Variants in ADAM12 observed in about 807,000 individuals in gnomAD.
ADAM12 encodes the protein disintegrin and metalloproteinase domain-containing protein 12.
A neutral mutation model predicts 106.4 loss-of-function variants in ADAM12; 70 were observed. The ratio of observed to expected loss-of-function variants is 0.66; its 90% CI spans 0.54 to 0.80. The LOEUF (loss-of-function observed/expected upper bound fraction) is 0.80. ADAM12 is among the 30% of genes least tolerant of loss of function. The pLI, the probability that ADAM12 is intolerant of heterozygous loss-of-function variation, is 0.00. For synonymous variants in ADAM12, 420 were observed against 433.5 expected (o/e 0.97, Z 0.39); for missense variants, 1,010 against 1,171.9 (o/e 0.86, Z 2.02).
intron 3 of ADAM12, among the ~76,000 whole-genome samples, chr10:126,227,828 A>C (rs750584151): frequency 2.0e-5 from 3 of 152,180 alleles, no homozygotes; most frequent in African/African-American, 7.2e-5. Context: ...AAAAAATGGC[A>C]ATATTTTTGT....
At chr10:126,197,362 C>T (rs754220505) in intron 3 of ADAM12, among the ~76,000 whole-genome samples, 13 of 152,152 alleles carry the variant, frequency 8.5e-5, no homozygotes, top group Admixed American at 1.3e-4. Flanking sequence ...AGAACAAGCT[C>T]GGGATACATG....
At chr10:126,090,518 G>A (rs1955443381) in intron 11 of ADAM12, among the ~76,000 whole-genome samples, 1 of 152,110 alleles carries the variant, frequency 6.6e-6, no homozygotes, top group Admixed American at 6.6e-5. Flanking sequence ...CTCATTAATG[G>A]ATAAACTCAA....
At chr10:126,342,259 G>A (rs1405254629) in intron 1 of ADAM12, among the ~76,000 whole-genome samples, 1 of 152,194 alleles carries the variant, frequency 6.6e-6, no homozygotes, top group Non-Finnish European at 1.5e-5. Flanking sequence ...GCTATCTAGA[G>A]GTAGGTGCTG....
intron 5 of ADAM12, among the ~76,000 whole-genome samples, chr10:126,121,181 CACTATATACTATATAT>C (rs1956097708): frequency 3.6e-5 from 1 of 27,644 alleles, no homozygotes; most frequent in Non-Finnish European, 6.5e-5. Context: ...ATACTATATA[CACTATATACTATATAT>C]ATACTATATA....
chr10:126,213,398 T>C (rs1192500342), intron 3 of ADAM12, among the ~76,000 whole-genome samples: 1 of 152,236 alleles, frequency 6.6e-6, no homozygotes, highest in Non-Finnish European at 1.5e-5. Flanking sequence ...CCAGATTATA[T>C]GCCAGAAGGA....
intron 14 of ADAM12, among the ~76,000 whole-genome samples, chr10:126,063,325 G>C (rs1479711244): frequency 6.6e-6 from 1 of 152,190 alleles, no homozygotes; most frequent in African/African-American, 2.4e-5. Flanking sequence ...GACATCGCTG[G>C]CTGGCAGGGG....
intron 4 of ADAM12, among the ~76,000 whole-genome samples, chr10:126,138,222 C>A (rs377655713): frequency 3.9e-5 from 6 of 152,162 alleles, no homozygotes; most frequent in African/African-American, 1.2e-4. Flanking sequence ...CTACTCAAAT[C>A]CTTGCTTATT....
chr10:126,180,880 A>T (rs1957300460), intron 3 of ADAM12, among the ~76,000 whole-genome samples: 1 of 152,206 alleles, frequency 6.6e-6, no homozygotes, highest in Non-Finnish European at 1.5e-5. Flanking sequence ...CACTTTCATT[A>T]TTTAACAATC....
rs111657886 is a variant in ADAM12 at position 126,101,036 on chromosome 10, C to CT, written c.911+35dup. The CT allele has an allele frequency of 8.1e-3, 9,913 of 1,229,610 alleles. 38 individuals are homozygous for CT. Among genetic ancestry groups the CT allele is most frequent in the African/African-American group, 0.042 (2,755 of 64,990 alleles). The allele number at this position is 1,229,610 out of a possible 1,614,324, so 76.2% of individuals were successfully genotyped here. On this transcript the variant is annotated intron_variant, in intron 9 of 22. Transcript: ENST00000448723. ...ACGAAGGGCTTCGCCGAGAGCACTC[C>CT]TTTTTTTTTTAAGCAGACAAGACGT... is the stretch of plus-strand genomic sequence containing the variant.
intron 2 of ADAM12, among the ~76,000 whole-genome samples, chr10:126,311,094 TACACAC>T (rs67514376): frequency 0.072 from 9,955 of 138,514 alleles, 609 homozygotes; most frequent in African/African-American, 0.17. Flanking sequence ...TACACACAAA[TACACAC>T]ACACACACAC....
At chr10:126,019,550 A>C (rs1009084429) in intron 22 of ADAM12, 145 bp downstream of exon 22, 5 of 1,079,598 alleles carry the variant, frequency 4.6e-6, no homozygotes, top group Non-Finnish European at 6.4e-6. Flanking sequence ...GGTAATTGTC[A>C]TGTCTATTTT....
At chr10:126,212,396 A>G (rs927205745) in intron 3 of ADAM12, among the ~76,000 whole-genome samples, 1 of 152,228 alleles carries the variant, frequency 6.6e-6, no homozygotes. Flanking sequence ...ACCAAGGAAT[A>G]AAAGGTATAT....
chr10:126,223,804 G>C (rs1377474360), intron 3 of ADAM12, among the ~76,000 whole-genome samples: 1 of 152,228 alleles, frequency 6.6e-6, no homozygotes, highest in Admixed American at 6.5e-5. Flanking sequence ...GCCAGAGGGA[G>C]GGGAAAGCTG....
chr10:126,134,133 A>G (rs1956360664), intron 5 of ADAM12, among the ~76,000 whole-genome samples: 1 of 152,258 alleles, frequency 6.6e-6, no homozygotes, highest in African/African-American at 2.4e-5. Flanking sequence ...AGCAAATTCA[A>G]ACCACAAGGC....
intron 1 of ADAM12, among the ~76,000 whole-genome samples, chr10:126,350,334 G>A (rs1374295105): frequency 6.6e-6 from 1 of 152,202 alleles, no homozygotes; most frequent in Non-Finnish European, 1.5e-5. Context: ...GCATAAATCA[G>A]AGCCACATGG....
chr10:126,042,061 A>G, intron 18 of ADAM12: 1 of 1,567,232 alleles, frequency 6.4e-7, no homozygotes, highest in Non-Finnish European at 8.6e-7. Flanking sequence ...GCTGCCAGTC[A>G]CAGGAGGCCT....
chr10:126,367,796 C>T lies in ADAM12; in HGVS notation c.88+20262G>A, dbSNP rs548815709. Among the ~76,000 whole-genome samples, 24 of 151,932 alleles carry T rather than the reference C, an allele frequency of 1.6e-4. No homozygotes were observed. In the South Asian group the frequency reaches 4.1e-3, roughly 26 times the overall value. ...TGTTTGTTAACTCAGATGACATGGACGTATTTTTTGAATCTCCAGGCCCAG... is the reference window on the plus strand; with the variant it reads ...TGTTTGTTAACTCAGATGACATGGATGTATTTTTTGAATCTCCAGGCCCAG... On this transcript the variant is annotated intron_variant, in intron 1 of 22. Transcript: ENST00000448723.
intron 3 of ADAM12, among the ~76,000 whole-genome samples, chr10:126,232,496 T>C (rs779386551): frequency 2.0e-5 from 3 of 152,098 alleles, no homozygotes; most frequent in Non-Finnish European, 2.9e-5. Context: ...GCCATGAAGT[T>C]TGTAGTGATT....
At chr10:126,223,114 T>C (rs556946845) in intron 3 of ADAM12, among the ~76,000 whole-genome samples, 80 of 152,332 alleles carry the variant, frequency 5.3e-4, no homozygotes, top group African/African-American at 1.9e-3. Context: ...TTCCTATCAA[T>C]TTATAGCCTG....
Sources: gnomAD v4.1 joint callset for allele counts (sites outside exome capture counted in the v4.1 genomes callset) on GRCh38, gnomAD v4.1.1 for gene constraint, MANE v1.5 for transcripts, NCBI Gene and HGNC (gene_info 2026-07-23, HGNC 2026-07-21) for gene names.